PACS2: variants seen among roughly 807,000 people sequenced by gnomAD.
The protein encoded by PACS2 is PACS1-like protein.
PACS2 carries 36 observed loss-of-function variants against 113.0 expected under a neutral mutation model. That is an observed-to-expected ratio of 0.32 (90% CI 0.24 to 0.42). PACS2 has a LOEUF of 0.42. Among genes scored for constraint, PACS2 ranks in the 10% least tolerant of loss-of-function variants. The probability of loss-of-function intolerance (pLI) is 1.00; values close to 1 mark genes in which losing one functional copy is unlikely to be tolerated. For synonymous variants in PACS2, 589 were observed against 536.1 expected (o/e 1.10, Z -1.36); for missense variants, 1,015 against 1,239.5 (o/e 0.82, Z 2.72).
At chr14:105,382,992 G>A (rs587716308) in intron 15 of PACS2, 79 bp downstream of exon 15, 4 of 835,812 alleles carry the variant, frequency 4.8e-6, no homozygotes, top group East Asian at 2.6e-5. Context: ...CCATTGCTCC[G>A]GGGCTAGGTG....
chr14:105,380,112 A>G lies in PACS2; in HGVS notation c.1083A>G (p.Gly361=), dbSNP rs1350339082. The G allele has an allele frequency of 1.3e-6, 2 of 1,553,212 alleles. No individual in the cohort carries two copies. Among genetic ancestry groups the G allele is most frequent in the Non-Finnish European group, 1.7e-6 (2 of 1,148,240 alleles). Residue 361 remains glycine, a synonymous_variant, in exon 11 of 25, where the codon GGA becomes GGG. Coordinates refer to ENST00000447393, the MANE Select transcript of PACS2 (RefSeq NM_001100913.3). The part of the protein sequence containing the change: ...ADVPEKTRSL[G]GRQPSDSVSD... Reference sequence around the variant, plus strand: ...TGCCCGAGAAGACGCGGTCCCTGGGAGGCAGGCAGCCGAGCGACAGTGTCT... The same window carrying G: ...TGCCCGAGAAGACGCGGTCCCTGGGGGGCAGGCAGCCGAGCGACAGTGTCT...
chr14:105,315,032 G>A lies in PACS2; in HGVS notation c.114G>A (p.Val38=). 1 of 1,201,926 alleles carries A rather than the reference G, an allele frequency of 8.3e-7. No homozygotes were observed. The highest frequency in any genetic ancestry group is 1.0e-6 in the Non-Finnish European group (1 of 953,772). The allele number at this position is 1,201,926 out of a possible 1,614,324, so 74.5% of individuals were successfully genotyped here. The part of the protein sequence containing the change: ...WEVDGSSPSC[V]PRLCSLTLKK... ...TGGACGGCTCCAGCCCCAGCTGCGT[G>A]CCCAGGTACGCGCCGCCCGCCGCGC... The change falls in exon 1 of 25, where the codon GTG becomes GTA. Residue 38 remains valine, a synonymous_variant. Coordinates refer to ENST00000447393, the MANE Select transcript of PACS2 (RefSeq NM_001100913.3). The surrounding 1 kb of genome is among the most constrained non-coding windows in gnomAD (Gnocchi z 4.4).
rs973348645 is a variant in PACS2 at position 105,393,147 on chromosome 14, C to G, written c.2483-75C>G. ...CCAGCTGAGCCCCCAGTGCCTCCCC[C>G]ACACGTACCCCTGGCCCTGGCCCCA... is the stretch of plus-strand genomic sequence containing the variant. On this transcript the variant is annotated intron_variant, in intron 23 of 24. Coordinates refer to ENST00000447393, the MANE Select transcript of PACS2 (RefSeq NM_001100913.3). The G allele has an allele frequency of 2.0e-5, 23 of 1,145,244 alleles. No individual in the cohort carries two copies. The Middle Eastern group carries it at 5.8e-4, about 29-fold the overall frequency. The allele number at this position is 1,145,244 out of a possible 1,614,324, so 70.9% of individuals were successfully genotyped here.
chr14:105,392,347 G>A (rs913438278), intron 22 of PACS2: 3 of 501,842 alleles, frequency 6.0e-6, no homozygotes, highest in Admixed American at 3.5e-5. Context: ...GGGCCCTCAC[G>A]ACTCCAAGGG....
At chr14:105,385,069 C>T (rs1427260608) in intron 18 of PACS2, 82 bp downstream of exon 18, 5 of 924,500 alleles carry the variant, frequency 5.4e-6, no homozygotes, top group Non-Finnish European at 8.6e-6. Context: ...CGCTGCTGGG[C>T]TTGGCCTGGT....
At position 105,367,293 on chromosome 14, in the gene PACS2, G is replaced by T. The variant is rs782291172; in HGVS notation, c.504G>T (p.Glu168Asp). ...SIKEAPVKAA[E>D]IWIASLSSQP... The stretch of plus-strand genomic sequence containing the variant: ...AGGAGGCCCCCGTCAAGGCGGCCGA[G>T]ATCTGGATCGCCTCCCTGTCCAGCC... The change falls in exon 5 of 25, where the codon GAG becomes GAT. Residue 168 changes from glutamate (E) to aspartate (D), a missense_variant. Physicochemically the swap from Glu to Asp is conservative, Grantham distance 45 (BLOSUM62 2). Coordinates refer to ENST00000447393, the MANE Select transcript of PACS2 (RefSeq NM_001100913.3). 1.2e-6 allele frequency: 2 copies of T among 1,613,302 alleles called. No individual in the cohort carries two copies. Among genetic ancestry groups the T allele is most frequent in the Non-Finnish European group, 1.7e-6 (2 of 1,180,010 alleles).
upstream of PACS2, chr14:105,314,581 T>A (rs1463720195): frequency 6.9e-6 from 1 of 144,024 alleles, no homozygotes. Flanking sequence ...GCACCTCACT[T>A]CCGGCGCGCG....
At chr14:105,337,064 G>C (rs138056097) in intron 1 of PACS2, among the ~76,000 whole-genome samples, 3 of 152,348 alleles carry the variant, frequency 2.0e-5, no homozygotes, top group African/African-American at 7.2e-5. Context: ...TCAGCACCGC[G>C]TGGCCCTCCA....
chr14:105,392,953 C>T, intron 23 of PACS2, 108 bp downstream of exon 23: 2 of 871,826 alleles, frequency 2.3e-6, no homozygotes, highest in Non-Finnish European at 1.8e-6. Flanking sequence ...CCTCGGGCAG[C>T]CCACATGCGC....
chr14:105,380,030 C>T (rs1354805451), intron 10 of PACS2, 50 bp from the exon 11 acceptor site: 21 of 1,512,300 alleles, frequency 1.4e-5, no homozygotes, highest in Non-Finnish European at 1.9e-5. Context: ...AAGTCAGCGC[C>T]TTGGCACCTG....
intron 4 of PACS2, among the ~76,000 whole-genome samples, chr14:105,364,209 C>T (rs2060838851): frequency 6.6e-6 from 1 of 152,234 alleles, no homozygotes; most frequent in South Asian, 2.1e-4. Context: ...TGCCAAAAGC[C>T]TTCACTGTAA....
intron 2 of PACS2, among the ~76,000 whole-genome samples, chr14:105,349,974 A>G (rs1373462771): frequency 6.8e-6 from 1 of 147,600 alleles, no homozygotes; most frequent in African/African-American, 2.5e-5. Flanking sequence ...CAGGACCCCG[A>G]GAACTTCCGG....
chr14:105,330,199 C>T lies in PACS2; in HGVS notation c.119+15162C>T, dbSNP rs199962558. On this transcript the variant is annotated intron_variant, in intron 1 of 24. Coordinates refer to ENST00000447393, the MANE Select transcript of PACS2 (RefSeq NM_001100913.3). The surrounding 1 kb of genome is among the most constrained non-coding windows in gnomAD (Gnocchi z 6.9). Reference sequence around the variant, plus strand: ...GGACGGAACGGGGACAGGGAGCCTCCGAGAAGCCTGGGGTCCGTGTGTGGG... The same window carrying T: ...GGACGGAACGGGGACAGGGAGCCTCTGAGAAGCCTGGGGTCCGTGTGTGGG... 2.7e-4 allele frequency among the ~76,000 whole-genome samples: 34 copies of T among 126,702 alleles called. No individual in the cohort carries two copies. In the East Asian group the frequency reaches 6.0e-3, roughly 23 times the overall value. The allele number at this position is 126,702 out of a possible 152,430, so 83.1% of individuals were successfully genotyped here. A position where few individuals can be genotyped will look rare whatever the true frequency, so the allele number is the denominator to read the frequency against.
upstream of PACS2, among the ~76,000 whole-genome samples, chr14:105,310,102 T>C (rs747100002): frequency 1.3e-5 from 2 of 152,130 alleles, no homozygotes; most frequent in Non-Finnish European, 2.9e-5. Flanking sequence ...CTTTTTATAA[T>C]TTACAATTCG....
chr14:105,375,169 T>C (rs2061306645), intron 8 of PACS2, among the ~76,000 whole-genome samples: 3 of 151,098 alleles, frequency 2.0e-5, no homozygotes, highest in Admixed American at 6.6e-5. Flanking sequence ...CAAAGAACAG[T>C]GAATTGTCCA....
chr14:105,383,013 C>G (rs1490116192), intron 15 of PACS2, 100 bp downstream of exon 15: 1 of 727,290 alleles, frequency 1.4e-6, no homozygotes, highest in Non-Finnish European at 2.4e-6. Flanking sequence ...CGTCCTGGAC[C>G]TGGGGCTGTG....
rs141215939 is a variant in PACS2, at chr14:105,320,126, C to T, written c.119+5089C>T. ...CCAAGTAGCTGGGACTACAGGTGTG[C>T]ACCACCACGCCCAGCGAATTTTTGT... is the stretch of plus-strand genomic sequence containing the variant. On this transcript the variant is annotated intron_variant, in intron 1 of 24. Coordinates refer to ENST00000447393, the MANE Select transcript of PACS2 (RefSeq NM_001100913.3). Among the ~76,000 whole-genome samples, 363 of 151,578 alleles carry T rather than the reference C, an allele frequency of 2.4e-3. 2 individuals carry two copies. The highest frequency in any genetic ancestry group is 8.3e-3 in the African/African-American group (345 of 41,342).
chr14:105,366,664 G>A lies in PACS2; in HGVS notation c.424-549G>A, dbSNP rs1555407989. ...TGCTGCTGGAGATTCCGGCCTGGCT[G>A]AGAGTGCTGGGCTCCTCCTTGGTCC... On this transcript the variant is annotated intron_variant, in intron 4 of 24. Coordinates refer to ENST00000447393, the MANE Select transcript of PACS2 (RefSeq NM_001100913.3). The surrounding 1 kb of genome is among the most constrained non-coding windows in gnomAD (Gnocchi z 4.3). Among the ~76,000 whole-genome samples, 1 of 152,234 alleles carries A rather than the reference G, an allele frequency of 6.6e-6. No individual in the cohort carries two copies. The highest frequency in any genetic ancestry group is 2.4e-5 in the African/African-American group (1 of 41,460).
chr14:105,352,043 A>T (rs1025670038), intron 2 of PACS2, among the ~76,000 whole-genome samples: 27 of 152,174 alleles, frequency 1.8e-4, no homozygotes, highest in Non-Finnish European at 4.0e-4. Context: ...TCTGCCAGAC[A>T]GACTTGGGCA....
Sources: gnomAD v4.1 joint callset for allele counts (sites outside exome capture counted in the v4.1 genomes callset) on GRCh38, gnomAD v4.1.1 for gene constraint, Gnocchi (gnomAD v3.1) non-coding constraint, MANE v1.5 for transcripts, NCBI Gene and HGNC (gene_info 2026-07-23, HGNC 2026-07-21) for gene names.